The following RAPGEF2 variants were observed in gnomAD, a reference collection of about 807,000 sequenced individuals.
RAPGEF2 encodes the protein Rap guanine nucleotide exchange factor 2, also known as PDZ domain containing guanine nucleotide exchange factor (GEF) 1.
A neutral mutation model predicts 186.7 loss-of-function variants in RAPGEF2; 54 were observed. The ratio of observed to expected loss-of-function variants is 0.29; its 90% CI spans 0.23 to 0.36. The LOEUF is 0.36. Among genes scored for constraint, RAPGEF2 ranks in the 10% least tolerant of loss-of-function variants. The probability of loss-of-function intolerance (pLI) is 1.00; values close to 1 mark genes in which losing one functional copy is unlikely to be tolerated. For missense variants in RAPGEF2, 1,532 were observed against 2,045.0 expected, an observed-to-expected ratio of 0.75 and a Z score of 4.84; for synonymous variants, 712 against 705.9, an observed-to-expected ratio of 1.01 and a Z score of -0.14.
chr4:159,143,184 C>G (rs1385418203), intron 1 of RAPGEF2, among the ~76,000 whole-genome samples: 1 of 151,884 alleles, frequency 6.6e-6, no homozygotes, highest in South Asian at 2.1e-4. Flanking sequence ...ATATGATGAT[C>G]GCTCCTCTGC....
At position 159,121,980 on chromosome 4, in the gene RAPGEF2, AGTGAG is replaced by A. The variant is rs1375316473; in HGVS notation, c.69+17755_69+17759del. ...GTAAAACCCGGGAGGCAGAGGTTGC[AGTGAG>A]GTGAGATCGCACCACTGCACTCCAG... On this transcript the variant is annotated intron_variant, in intron 1 of 29. Transcript: ENST00000691494. Among the ~76,000 whole-genome samples, 17 of 141,132 alleles carry A rather than the reference AGTGAG, an allele frequency of 1.2e-4. No homozygotes were observed. In the East Asian group the frequency reaches 3.6e-3, roughly 30 times the overall value. 92.6% of individuals were successfully genotyped at this position (141,132 alleles called of 152,430 possible).
intron 1 of RAPGEF2, among the ~76,000 whole-genome samples, chr4:159,182,676 G>A (rs1424233338): frequency 8.5e-5 from 13 of 152,100 alleles, no homozygotes; most frequent in African/African-American, 2.2e-4. Flanking sequence ...GATTACAGGC[G>A]TGAGCCACTG....
intron 1 of RAPGEF2, among the ~76,000 whole-genome samples, chr4:159,127,577 C>T (rs549813997): frequency 2.0e-5 from 3 of 152,228 alleles, no homozygotes; most frequent in African/African-American, 4.8e-5. Context: ...TGCATAATTT[C>T]GTAATTATTA....
At chr4:159,339,990 ATT>A (rs1729167632) in intron 19 of RAPGEF2, among the ~76,000 whole-genome samples, 1 of 152,226 alleles carries the variant, frequency 6.6e-6, no homozygotes, top group Admixed American at 6.5e-5. Context: ...TGATTTTATC[ATT>A]CTCTTCAATG....
At chr4:159,113,717 G>A (rs1738745071) in intron 1 of RAPGEF2, among the ~76,000 whole-genome samples, 1 of 145,822 alleles carries the variant, frequency 6.9e-6, no homozygotes, top group Non-Finnish European at 1.5e-5. Context: ...CCTCTAGCCT[G>A]GGTGACGGAT....
chr4:159,312,430 A>C (rs1764059327), intron 8 of RAPGEF2, among the ~76,000 whole-genome samples: 1 of 152,080 alleles, frequency 6.6e-6, no homozygotes, highest in South Asian at 2.1e-4. Flanking sequence ...ATGTTGACCT[A>C]TTTTCTCTAA....
chr4:159,104,564 G>GTGTA (rs1737657784), intron 1 of RAPGEF2, among the ~76,000 whole-genome samples: 1 of 151,058 alleles, frequency 6.6e-6, no homozygotes, highest in Non-Finnish European at 1.5e-5. Flanking sequence ...GTGTGTGTGT[G>GTGTA]TGTGTGTATG....
rs145805321 is a variant in RAPGEF2, at chr4:159,188,731, A to G, written c.140+2019A>G. 9.1e-4 allele frequency among the ~76,000 whole-genome samples: 139 copies of G among 152,222 alleles called. 3 individuals are homozygous for G. The East Asian group carries it at 0.019, about 21-fold the overall frequency. ...AATACTAATGAAGTTCCATACACCC[A>G]TCAGCCAGTTTCAGAACTGTCAACT... On this transcript the variant is annotated intron_variant, in intron 2 of 29. Coordinates refer to ENST00000691494, the MANE Select transcript of RAPGEF2 (RefSeq NM_001394067.2).
chr4:159,300,486 GA>G, intron 7 of RAPGEF2, among the ~76,000 whole-genome samples: 1 of 151,910 alleles, frequency 6.6e-6, no homozygotes, highest in East Asian at 1.9e-4. Flanking sequence ...AAATATAGGT[GA>G]AAAGATTCCT....
chr4:159,248,460 A>G (rs76778260), intron 7 of RAPGEF2, among the ~76,000 whole-genome samples: 293 of 152,318 alleles, frequency 1.9e-3, no homozygotes, highest in Non-Finnish European at 3.4e-3. Flanking sequence ...CATTATCGGC[A>G]GGTTTACTAG....
At chr4:159,269,554 A>T (rs766121410) in intron 7 of RAPGEF2, among the ~76,000 whole-genome samples, 1 of 152,210 alleles carries the variant, frequency 6.6e-6, no homozygotes, top group East Asian at 1.9e-4. Context: ...ATGATTTTCC[A>T]GGTAAAAGTA....
chr4:159,153,848 C>T (rs1318137229), intron 1 of RAPGEF2, among the ~76,000 whole-genome samples: 1 of 152,152 alleles, frequency 6.6e-6, no homozygotes, highest in East Asian at 1.9e-4. Flanking sequence ...TTAAATAAAA[C>T]AGAATTAGCT....
rs1748941624 is a variant in RAPGEF2 at position 159,198,282 on chromosome 4, CTTT to C, written c.197+5027_197+5029del. 3.7e-4 allele frequency among the ~76,000 whole-genome samples: 4 copies of C among 10,814 alleles called. 1 individual carries two copies. Among genetic ancestry groups the C allele is most frequent in the African/African-American group, 7.4e-4 (2 of 2,704 alleles). 7.1% of individuals were successfully genotyped at this position (10,814 alleles called of 152,430 possible). On this transcript the variant is annotated intron_variant, in intron 3 of 29. Transcript: ENST00000691494. ...TTTCTCTTTCTTTCCTTCTTTCTTT[CTTT>C]CTTTCTTTCTTTCTTTCTTTCTTTC...
chr4:159,342,716 T>C (rs1729731544), intron 20 of RAPGEF2, among the ~76,000 whole-genome samples: 1 of 151,832 alleles, frequency 6.6e-6, no homozygotes, highest in African/African-American at 2.4e-5. Flanking sequence ...AAAGCATCAA[T>C]ACTTACATTC....
intron 1 of RAPGEF2, among the ~76,000 whole-genome samples, chr4:159,127,020 TTTG>T (rs139610963): frequency 0.023 from 3,556 of 152,256 alleles, 64 homozygotes; most frequent in Admixed American, 0.051. Context: ...ATTTGCATTT[TTTG>T]TTGTTGTTGT....
At chr4:159,183,121 C>T (rs781359271) in intron 1 of RAPGEF2, among the ~76,000 whole-genome samples, 15 of 152,156 alleles carry the variant, frequency 9.9e-5, no homozygotes, top group South Asian at 2.1e-4. Context: ...AGAAAAATCT[C>T]TTGTGAAAGG....
chr4:159,180,861 G>C (rs7679099), intron 1 of RAPGEF2, among the ~76,000 whole-genome samples: 68,230 of 151,994 alleles, frequency 0.45, 16,138 homozygotes, highest in African/African-American at 0.6. Context: ...TACAGGCTCA[G>C]TAACAATTTC....
intron 7 of RAPGEF2, among the ~76,000 whole-genome samples, chr4:159,260,036 T>G (rs1756623213): frequency 6.6e-6 from 1 of 152,140 alleles, no homozygotes; most frequent in Non-Finnish European, 1.5e-5. Flanking sequence ...CTCACTCAGT[T>G]GCCCAGGCTA....
At chr4:159,162,698 A>AT (rs1689165033) in intron 1 of RAPGEF2, among the ~76,000 whole-genome samples, 2 of 152,156 alleles carry the variant, frequency 1.3e-5, no homozygotes, top group Admixed American at 6.5e-5. Context: ...CACCCTGTGC[A>AT]TTGAGTTTTC....
Sources: gnomAD v4.1 joint callset for allele counts (sites outside exome capture counted in the v4.1 genomes callset) on GRCh38, gnomAD v4.1.1 for gene constraint, MANE v1.5 for transcripts, NCBI Gene and HGNC (gene_info 2026-07-23, HGNC 2026-07-21) for gene names.